Variants in KIAA0586 observed in about 807,000 individuals in gnomAD.
KIAA0586 encodes the protein KIAA0586.
Under a neutral mutation model 169.8 loss-of-function variants are expected in KIAA0586, and 144 were observed. The observed-to-expected ratio is 0.85, with a 90% CI of 0.74 to 0.97. The LOEUF is 0.97. Ranked by LOEUF, KIAA0586 falls within the 50% of genes least tolerant of loss-of-function variation. The pLI is 0.00. For missense variants in KIAA0586, 1,854 were observed against 1,823.0 expected, an observed-to-expected ratio of 1.02 and a Z score of -0.31; for synonymous variants, 625 against 612.4, an observed-to-expected ratio of 1.02 and a Z score of -0.30.
rs547511497 is a variant in KIAA0586, at chr14:58,478,113, G to A, written c.2944+872G>A. 2.6e-5 allele frequency among the ~76,000 whole-genome samples: 4 copies of A among 152,166 alleles called. No homozygotes were observed. In the South Asian group the frequency reaches 8.3e-4, roughly 32 times the overall value. The stretch of plus-strand genomic sequence containing the variant: ...TAACTCACTGTAACCTCTAACTCCC[G>A]GGCTCAAGCAACTCTCCTGCCTTAG... On this transcript the variant is annotated intron_variant, in intron 20 of 30. Coordinates refer to ENST00000652326, the MANE Select transcript of KIAA0586 (RefSeq NM_001329943.3).
intron 13 of KIAA0586, 44 bp from the exon 14 acceptor site, chr14:58,460,942 T>C (rs1267595472): frequency 7.1e-7 from 1 of 1,406,630 alleles, no homozygotes; most frequent in African/African-American, 1.5e-5. Flanking sequence ...GATAAGTGTT[T>C]GATGACTGTT....
rs3783697 is a variant in KIAA0586, at chr14:58,492,205, A to G, written c.3920A>G (p.Asp1307Gly). ...IRMSHKKFHA[D>G]AILSFAKQNQ... ...ATGTCCCATAAAAAATTTCATGCAG[A>G]TGCAATTCTTTCTTTTGCTAAACAA... Residue 1307 changes from aspartate (D) to glycine (G), a missense_variant, in exon 26 of 31, where the codon GAT becomes GGT. Asp to Gly is a moderately conservative substitution (Grantham distance 94, BLOSUM62 -1). Transcript: ENST00000652326. 6.2e-3 allele frequency: 9,554 copies of G among 1,550,530 alleles called. 407 individuals carry two copies. The East Asian group carries it at 0.096, about 16-fold the overall frequency.
intron 30 of KIAA0586, 95 bp from the exon 31 acceptor site, chr14:58,547,686 C>G: frequency 5.6e-6 from 5 of 900,346 alleles, no homozygotes; most frequent in Non-Finnish European, 8.3e-6. Context: ...GAATCCGCGC[C>G]CCCCCACCCC....
intron 29 of KIAA0586, among the ~76,000 whole-genome samples, chr14:58,514,781 C>A (rs898900991): frequency 5.3e-5 from 8 of 151,948 alleles, no homozygotes; most frequent in Non-Finnish European, 1.2e-4. Flanking sequence ...ATACCACTTA[C>A]CTGATTCTAT....
intron 11 of KIAA0586, 77 bp from the exon 12 acceptor site, chr14:58,458,396 T>TTA (rs1180068297): frequency 2.7e-6 from 2 of 747,070 alleles, no homozygotes; most frequent in East Asian, 5.9e-5. Flanking sequence ...CACAACTAGA[T>TTA]AAGAGTTAGA....
intron 20 of KIAA0586, among the ~76,000 whole-genome samples, chr14:58,481,437 C>G (rs1210989623): frequency 1.3e-5 from 2 of 152,192 alleles, no homozygotes; most frequent in Non-Finnish European, 2.9e-5. Flanking sequence ...AGCACCTCAA[C>G]TGCAGTAGAT....
At chr14:58,532,191 A>T (rs544532166) in intron 29 of KIAA0586, among the ~76,000 whole-genome samples, 1 of 152,170 alleles carries the variant, frequency 6.6e-6, no homozygotes, top group African/African-American at 2.4e-5. Context: ...AATTGAAAAA[A>T]AAAAGGAAAA....
At chr14:58,555,287 G>C (rs2047236146), downstream of KIAA0586, among the ~76,000 whole-genome samples, 1 of 151,828 alleles carries the variant, frequency 6.6e-6, no homozygotes, top group African/African-American at 2.4e-5. Context: ...TTTCAGTAGA[G>C]ACAGCGTTTC....
At chr14:58,432,642 A>G (rs1484691524) in intron 4 of KIAA0586, among the ~76,000 whole-genome samples, 185 bp downstream of exon 4, 1 of 152,236 alleles carries the variant, frequency 6.6e-6, no homozygotes, top group Non-Finnish European at 1.5e-5. Context: ...TTATTATGGA[A>G]GTGCTATAGT....
At chr14:58,435,197 A>G (rs1024921388) in intron 4 of KIAA0586, among the ~76,000 whole-genome samples, 4 of 152,338 alleles carry the variant, frequency 2.6e-5, no homozygotes, top group Admixed American at 6.5e-5. Flanking sequence ...CTCTCCAGAG[A>G]CAGTGCTCTT....
chr14:58,442,981 A>G (rs751835895), intron 5 of KIAA0586, 101 bp downstream of exon 5: 147 of 822,022 alleles, frequency 1.8e-4, no homozygotes, highest in Non-Finnish European at 2.7e-4. Context: ...ATAGACTAGG[A>G]ACATTGTAGT....
the KIAA0586 span, among the ~76,000 whole-genome samples, chr14:58,557,899 A>ATTTTT: frequency 3.4e-4 from 16 of 46,586 alleles, no homozygotes; most frequent in Admixed American, 5.4e-4. Context: ...ATCCTGAGAA[A>ATTTTT]TCTTTTTTTT....
At chr14:58,488,138 G>A in intron 23 of KIAA0586, 29 bp downstream of exon 23, 3 of 1,471,498 alleles carry the variant, frequency 2.0e-6, no homozygotes, top group Non-Finnish European at 2.8e-6. Flanking sequence ...ACTAGTAACT[G>A]TACATTTCAA....
chr14:58,478,488 GTCAA>G (rs1213548818), intron 20 of KIAA0586, among the ~76,000 whole-genome samples: 1 of 152,042 alleles, frequency 6.6e-6, no homozygotes, highest in Non-Finnish European at 1.5e-5. Flanking sequence ...GTTTCAATCA[GTCAA>G]TCAATCAGTC....
At chr14:58,530,410 C>T (rs546548985) in intron 29 of KIAA0586, among the ~76,000 whole-genome samples, 1 of 152,290 alleles carries the variant, frequency 6.6e-6, no homozygotes, top group African/African-American at 2.4e-5. Context: ...AAGAACAAAG[C>T]TGGAGGCATC....
Position 58,508,638 on chromosome 14 carries a change from C to G in KIAA0586, c.4252C>G (p.Leu1418Val). The G allele has an allele frequency of 6.3e-7, 1 of 1,596,172 alleles. No individual in the cohort carries two copies. The highest frequency in any genetic ancestry group is 8.5e-7 in the Non-Finnish European group (1 of 1,170,652). ...LELEPNSKLV[L>V]PTTLLTAQEN... is the part of the protein sequence containing the mutation. ...GTTGGAGCCAAATTCTAAGCTGGTT[C>G]TTCCCACAACACTTCTGACAGCACA... Residue 1418 changes from leucine to valine, a missense_variant, in exon 28 of 31, where the codon CTT becomes GTT. Physicochemically the swap from Leu to Val is conservative, Grantham distance 32 (BLOSUM62 1). Transcript: ENST00000652326.
intron 26 of KIAA0586, among the ~76,000 whole-genome samples, chr14:58,496,441 G>A (rs2043162969): frequency 6.6e-6 from 1 of 152,196 alleles, no homozygotes; most frequent in African/African-American, 2.4e-5. Flanking sequence ...TAGGCATTGT[G>A]AAATATTTCT....
At chr14:58,506,371 T>G (rs867383346) in intron 27 of KIAA0586, among the ~76,000 whole-genome samples, 1 of 152,042 alleles carries the variant, frequency 6.6e-6, no homozygotes, top group South Asian at 2.1e-4. Flanking sequence ...TTTAATACCA[T>G]AATAGTAAAA....
Position 58,508,558 on chromosome 14 carries a change from G to A in KIAA0586, c.4172G>A (p.Ser1391Asn). 6 of 1,574,126 alleles carry A rather than the reference G, an allele frequency of 3.8e-6. 1 individual carries two copies. The Middle Eastern group carries it at 1.0e-3, about 263-fold the overall frequency. The change falls in exon 28 of 31, where the codon AGT (serine) becomes AAT (asparagine). Residue 1391 changes from serine to asparagine, a missense_variant. Coordinates refer to ENST00000652326, the MANE Select transcript of KIAA0586 (RefSeq NM_001329943.3). ...TTATTTACATTTTTGATAACAGGTAGTATTTATGAAGATTCATGTGCTAGT... is the reference window on the plus strand; with the variant it reads ...TTATTTACATTTTTGATAACAGGTAATATTTATGAAGATTCATGTGCTAGT... Reference protein sequence around the residue: ...LSRQFDTVSGSIYEDSCASHG... With the variant: ...LSRQFDTVSGNIYEDSCASHG...
Sources: gnomAD v4.1 joint callset for allele counts (sites outside exome capture counted in the v4.1 genomes callset) on GRCh38, gnomAD v4.1.1 for gene constraint, MANE v1.5 for transcripts, NCBI Gene and HGNC (gene_info 2026-07-23, HGNC 2026-07-21) for gene names.